DCAF10: variants seen among roughly 807,000 people sequenced by gnomAD.
DCAF10 encodes DDB1- and CUL4-associated factor 10.
DCAF10 carries 19 observed loss-of-function variants against 51.9 expected under a neutral mutation model. The observed-to-expected ratio is 0.37, with a 90% CI of 0.26 to 0.54. The LOEUF (loss-of-function observed/expected upper bound fraction) is 0.54, where lower values mean the gene tolerates loss of function less well. Ranked by LOEUF, DCAF10 falls within the 20% of genes least tolerant of loss-of-function variation. The pLI is 0.87. For missense variants in DCAF10, 510 were observed against 730.6 expected, an observed-to-expected ratio of 0.70 and a Z score of 3.48; for synonymous variants, 291 against 297.1, an observed-to-expected ratio of 0.98 and a Z score of 0.21.
At chr9:37,817,593 G>A (rs73447301) in intron 1 of DCAF10, among the ~76,000 whole-genome samples, 1,336 of 116,006 alleles carry the variant, frequency 0.012, 20 homozygotes, top group African/African-American at 0.035. Flanking sequence ...GCGAGACTTC[G>A]TCTCAGAAAA....
chr9:37,818,018 A>T (rs573038782), intron 1 of DCAF10, among the ~76,000 whole-genome samples: 21 of 151,608 alleles, frequency 1.4e-4, no homozygotes, highest in Non-Finnish European at 3.1e-4. Context: ...TTTGAGACAG[A>T]GTCTTACTCT....
intron 2 of DCAF10, among the ~76,000 whole-genome samples, chr9:37,837,087 A>G (rs900573107): frequency 2.6e-5 from 4 of 152,310 alleles, no homozygotes; most frequent in Admixed American, 1.3e-4. Context: ...CATTCATTCA[A>G]TAAGCTTTTA....
intron 1 of DCAF10, among the ~76,000 whole-genome samples, chr9:37,812,574 G>T (rs1829382187): frequency 6.6e-6 from 1 of 152,168 alleles, no homozygotes; most frequent in South Asian, 2.1e-4. Flanking sequence ...GAAGATCAGA[G>T]GTACAGGAAA....
chr9:37,804,517 C>T (rs1235321563), intron 1 of DCAF10, among the ~76,000 whole-genome samples: 1 of 152,164 alleles, frequency 6.6e-6, no homozygotes, highest in Non-Finnish European at 1.5e-5. Context: ...TGGCTCACGC[C>T]TGTAATCCCA....
At chr9:37,809,996 C>T (rs539900772) in intron 1 of DCAF10, among the ~76,000 whole-genome samples, 83 of 151,190 alleles carry the variant, frequency 5.5e-4, no homozygotes, top group African/African-American at 1.9e-3. Flanking sequence ...ACTAAAAATA[C>T]AAAAAAGTAG....
At chr9:37,851,803 A>T (rs1830659501) in intron 3 of DCAF10, among the ~76,000 whole-genome samples, 1 of 151,250 alleles carries the variant, frequency 6.6e-6, no homozygotes, top group Non-Finnish European at 1.5e-5. Context: ...AAATAAATAA[A>T]TAAATAAATA....
intron 1 of DCAF10, among the ~76,000 whole-genome samples, chr9:37,813,260 G>T (rs1204926544): frequency 6.6e-6 from 1 of 152,016 alleles, no homozygotes; most frequent in Non-Finnish European, 1.5e-5. Flanking sequence ...CACTATGCCT[G>T]GCCATTTTAT....
intron 1 of DCAF10, among the ~76,000 whole-genome samples, chr9:37,805,921 C>CA (rs1348968897): frequency 1.3e-5 from 2 of 151,948 alleles, no homozygotes; most frequent in Non-Finnish European, 2.9e-5. Flanking sequence ...CCTGTCTCTA[C>CA]AAAAAGTACA....
chr9:37,824,620 G>A (rs1432804074), intron 2 of DCAF10, among the ~76,000 whole-genome samples: 1 of 151,604 alleles, frequency 6.6e-6, no homozygotes, highest in African/African-American at 2.4e-5. Context: ...GAAGTAGAAA[G>A]AGTTCCAAAT....
At chr9:37,853,548 T>G (rs1296567355) in intron 3 of DCAF10, among the ~76,000 whole-genome samples, 1 of 150,932 alleles carries the variant, frequency 6.6e-6, no homozygotes, top group East Asian at 1.9e-4. Flanking sequence ...ATACATTGAC[T>G]GTAAATTCTA....
chr9:37,803,152 T>G (rs1829008277), intron 1 of DCAF10, among the ~76,000 whole-genome samples: 1 of 152,160 alleles, frequency 6.6e-6, no homozygotes, highest in African/African-American at 2.4e-5. Context: ...AATTACACAA[T>G]TAACATATAT....
chr9:37,862,076 T>A lies in DCAF10; in HGVS notation c.*568T>A, dbSNP rs1426456562. The A allele has an allele frequency of 6.6e-6, 1 of 152,602 alleles. No individual in the cohort carries two copies. The highest frequency in any genetic ancestry group is 1.5e-5 in the Non-Finnish European group (1 of 68,060). 9.5% of individuals were successfully genotyped at this position (152,602 alleles called of 1,614,324 possible). ...AGCACAGATAATGGCATTATTCTTATAATTGTTAAGATAGTCTTGCAACAA... is the reference window on the plus strand; with the variant it reads ...AGCACAGATAATGGCATTATTCTTAAAATTGTTAAGATAGTCTTGCAACAA... On this transcript the variant is annotated 3_prime_UTR_variant, in exon 7 of 7. Coordinates refer to ENST00000377724, the MANE Select transcript of DCAF10 (RefSeq NM_024345.5).
chr9:37,840,401 G>T (rs1191429380), intron 2 of DCAF10, among the ~76,000 whole-genome samples: 1 of 152,152 alleles, frequency 6.6e-6, no homozygotes, highest in Non-Finnish European at 1.5e-5. Context: ...ATGTGGAGAT[G>T]GAAGACAGTG....
intron 1 of DCAF10, among the ~76,000 whole-genome samples, chr9:37,814,722 T>C (rs7033227): frequency 0.19 from 29,062 of 152,138 alleles, 3,177 homozygotes; most frequent in African/African-American, 0.29. Context: ...AGTAGTATCA[T>C]AACCAATAAT....
At position 37,819,303 on chromosome 9, in the gene DCAF10, T is replaced by C. The variant is rs144082775; in HGVS notation, c.555T>C (p.Val185=). 453 of 1,613,652 alleles carry C rather than the reference T, an allele frequency of 2.8e-4. No individual in the cohort carries two copies. The highest frequency in any genetic ancestry group is 3.8e-4 in the Non-Finnish European group (444 of 1,179,814). The change falls in exon 2 of 7, where the codon GTT becomes GTC. Residue 185 remains valine, a synonymous_variant. Coordinates refer to ENST00000377724, the MANE Select transcript of DCAF10 (RefSeq NM_024345.5). The part of the protein sequence containing the change: ...EYSPDGSVLT[V]ACEQTEVLLF... ...TTGCTTTCAGGTCAGTGCTGACAGT[T>C]GCTTGTGAACAAACTGAAGTTCTGC...
intron 3 of DCAF10, among the ~76,000 whole-genome samples, chr9:37,851,892 A>C (rs1295068827): frequency 6.6e-6 from 1 of 152,026 alleles, no homozygotes; most frequent in Non-Finnish European, 1.5e-5. Flanking sequence ...GAAAATATAA[A>C]GAAGCAAGTT....
chr9:37,853,131 A>C (rs990598271), intron 3 of DCAF10, among the ~76,000 whole-genome samples: 13 of 146,350 alleles, frequency 8.9e-5, no homozygotes, highest in Non-Finnish European at 1.8e-4. Context: ...TAGCCTGGGC[A>C]ACAAGAGTGA....
At chr9:37,835,419 A>T (rs1169031839) in intron 2 of DCAF10, among the ~76,000 whole-genome samples, 2 of 152,122 alleles carry the variant, frequency 1.3e-5, no homozygotes, top group Admixed American at 6.6e-5. Flanking sequence ...TCTCTACTGA[A>T]AATACAAAAA....
intron 2 of DCAF10, chr9:37,836,359 G>C (rs539361501): frequency 6.2e-7 from 1 of 1,610,856 alleles, no homozygotes; most frequent in African/African-American, 1.3e-5. Context: ...GAGCCAATCT[G>C]GGAAACACTA....
Sources: allele counts gnomAD v4.1 joint callset (sites outside exome capture counted in the v4.1 genomes callset), GRCh38; gene constraint gnomAD v4.1.1; transcripts MANE v1.5; gene names NCBI Gene and HGNC (gene_info 2026-07-23, HGNC 2026-07-21).